The following TUT7 variants were observed in gnomAD, a reference collection of about 807,000 sequenced individuals.
The protein encoded by TUT7 is terminal uridylyltransferase 7.
Under a neutral mutation model 165.9 loss-of-function variants are expected in TUT7, and 33 were observed. The observed-to-expected ratio is 0.20, with a 90% CI of 0.15 to 0.27. The LOEUF (loss-of-function observed/expected upper bound fraction) is 0.27. TUT7 is among the 10% of genes least tolerant of loss of function. The probability of loss-of-function intolerance (pLI) is 1.00; values close to 1 mark genes in which losing one functional copy is unlikely to be tolerated. For missense variants in TUT7, 1,338 were observed against 1,762.3 expected (o/e 0.76, Z 4.31); for synonymous variants, 552 against 608.1 (o/e 0.91, Z 1.36).
intron 6 of TUT7, among the ~76,000 whole-genome samples, chr9:86,342,079 G>T (rs950426982): frequency 1.3e-5 from 2 of 152,168 alleles, no homozygotes; most frequent in Non-Finnish European, 2.9e-5. Flanking sequence ...TAAAAAAACA[G>T]TCTATTGGGT....
chr9:86,343,268 A>C, intron 5 of TUT7, 105 bp from the exon 6 acceptor site: 1 of 653,004 alleles, frequency 1.5e-6, no homozygotes, highest in Admixed American at 3.8e-5. Context: ...TTAAAATTAC[A>C]CACAAAAGCA....
At chr9:86,317,152 A>G in intron 17 of TUT7, 67 bp downstream of exon 17, 1 of 1,382,636 alleles carries the variant, frequency 7.2e-7, no homozygotes, top group Non-Finnish European at 1.0e-6. Flanking sequence ...ATGGATACCA[A>G]GGGAAGACTA....
At position 86,323,211 on chromosome 9, in the gene TUT7, C is replaced by T; in HGVS notation, c.2539G>A (p.Glu847Lys). ...TCCTCTTCTTCGTCGTCCTCCTCCTCTTCATCAGAGGGAATCATTTCTGAT... is the reference window on the plus strand; with the variant it reads ...TCCTCTTCTTCGTCGTCCTCCTCCTTTTCATCAGAGGGAATCATTTCTGAT... ...QTSEMIPSDE[E>K]EEDDEEEEEE... The change falls in exon 13 of 27, where the codon GAG becomes AAG. Residue 847 changes from glutamate (E) to lysine (K), a missense_variant. Physicochemically the swap from Glu to Lys is moderately conservative, Grantham distance 56. Coordinates refer to ENST00000375963, the MANE Select transcript of TUT7 (RefSeq NM_024617.4). 6.2e-7 allele frequency: 1 copy of T among 1,614,114 alleles called. No individual in the cohort carries two copies. The highest frequency in any genetic ancestry group is 8.5e-7 in the Non-Finnish European group (1 of 1,180,016).
Position 86,345,139 on chromosome 9 carries a change from C to T in TUT7, c.835G>A (p.Glu279Lys). ...KKNIKEKQEE[E>K]LLTTLPPPTP... is the part of the protein sequence containing the mutation. ...GGTGGGGGTAACGTAGTGAGCAACT[C>T]TTCCTCTTGCTTCTCCTTTTAAGAT... is the stretch of plus-strand genomic sequence containing the variant. Residue 279 changes from glutamate (E) to lysine (K), a missense_variant, in exon 5 of 27, where the codon GAG (glutamate) becomes AAG (lysine). By Grantham distance (56) the Glu-to-Lys change is moderately conservative (BLOSUM62 1). Transcript: ENST00000375963. The T allele has an allele frequency of 6.2e-7, 1 of 1,604,546 alleles. No homozygotes were observed. Among genetic ancestry groups the T allele is most frequent in the African/African-American group, 1.3e-5 (1 of 74,532 alleles).
At position 86,323,189 on chromosome 9, in the gene TUT7, T is replaced by A. The variant is rs191736673; in HGVS notation, c.2561A>T (p.Glu854Val). 1.2e-6 allele frequency: 2 copies of A among 1,614,108 alleles called. No individual in the cohort carries two copies. The highest frequency in any genetic ancestry group is 4.5e-5 in the East Asian group (2 of 44,878). The change falls in exon 13 of 27, where the codon GAG becomes GTG. Residue 854 changes from glutamate to valine, a missense_variant. Physicochemically the swap from Glu to Val is moderately radical, Grantham distance 121 (BLOSUM62 -2). Around this residue, in one of 7 missense-constraint regions of TUT7, gnomAD observed 425 missense variants for 474.9 expected, o/e 0.89. Transcript: ENST00000375963. Reference sequence around the variant, plus strand: ...GAGCCTAGGTTCTTCTTCCTCCTCCTCTTCTTCGTCGTCCTCCTCCTCTTC... The same window carrying A: ...GAGCCTAGGTTCTTCTTCCTCCTCCACTTCTTCGTCGTCCTCCTCCTCTTC... ...SDEEEEDDEE[E>V]EEEEEPRLTI...
intron 2 of TUT7, among the ~76,000 whole-genome samples, chr9:86,349,128 A>G (rs1832045307): frequency 6.6e-6 from 1 of 151,794 alleles, no homozygotes; most frequent in Non-Finnish European, 1.5e-5. Flanking sequence ...AAAATACAAA[A>G]ATTAGCTGGG....
At chr9:86,328,513 G>A in intron 10 of TUT7, 21 bp from the exon 11 acceptor site, 2 of 1,582,346 alleles carry the variant, frequency 1.3e-6, no homozygotes, top group Non-Finnish European at 8.6e-7. Flanking sequence ...TTAGACACAT[G>A]CTAAAATAAG....
rs756586482 is a variant in TUT7 at position 86,353,008 on chromosome 9, G to A, written c.192C>T (p.Thr64=). 7 of 1,614,086 alleles carry A rather than the reference G, an allele frequency of 4.3e-6. No homozygotes were observed. In the South Asian group the frequency reaches 7.7e-5, roughly 18 times the overall value. The change falls in exon 2 of 27, where the codon ACC becomes ACT. Residue 64 remains threonine (T), a synonymous_variant. Coordinates refer to ENST00000375963, the MANE Select transcript of TUT7 (RefSeq NM_024617.4). ...KKITPGNYGN[T]PRKGPCAVSS... ...AAACAGCACATGGTCCTTTTCTGGG[G>A]GTATTCCCATAGTTCCCTGGTGTTA...
rs543605892 is a variant in TUT7 at position 86,309,520 on chromosome 9, A to C, written c.3525T>G (p.Leu1175=). The C allele has an allele frequency of 1.2e-6, 2 of 1,613,844 alleles. No individual in the cohort carries two copies. Among genetic ancestry groups the C allele is most frequent in the East Asian group, 2.2e-5 (1 of 44,856 alleles). ...RGSLSSYAYT[L]MVLYFLQQRN... is the part of the protein sequence containing the mutation. Reference sequence around the variant, plus strand: ...TCTGCTGGAGAAAATATAGCACCATAAGAGTATATGCATACGATGATAAGC... The same window carrying C: ...TCTGCTGGAGAAAATATAGCACCATCAGAGTATATGCATACGATGATAAGC... The change falls in exon 20 of 27, where the codon CTT becomes CTG. Residue 1175 remains leucine, a synonymous_variant. Coordinates refer to ENST00000375963, the MANE Select transcript of TUT7 (RefSeq NM_024617.4).
At chr9:86,303,923 A>C (rs1827199676) in intron 24 of TUT7, among the ~76,000 whole-genome samples, 1 of 152,260 alleles carries the variant, frequency 6.6e-6, no homozygotes, top group African/African-American at 2.4e-5. Flanking sequence ...CAAACACTGA[A>C]TGTGCCTATA....
rs1832450409 is a variant in TUT7, at chr9:86,353,173, G to A, written c.27C>T (p.Phe9=). 6.3e-7 allele frequency: 1 copy of A among 1,587,400 alleles called. No individual in the cohort carries two copies. The highest frequency in any genetic ancestry group is 8.5e-7 in the Non-Finnish European group (1 of 1,171,034). MGDTAKPY[F]VKRTKDRGTM... is the part of the protein sequence containing the mutation. ...TCCCCCGGTCTTTAGTGCGCTTCAC[G>A]AAATAAGGTTTTGCTGTATCTCCCA... The change falls in exon 2 of 27, where the codon TTC becomes TTT. Residue 9 remains phenylalanine (F), a synonymous_variant. Transcript: ENST00000375963.
At chr9:86,290,592 A>C (rs1825821006) in intron 26 of TUT7, among the ~76,000 whole-genome samples, 1 of 151,788 alleles carries the variant, frequency 6.6e-6, no homozygotes, top group Admixed American at 6.6e-5. Context: ...CTGTAATCCT[A>C]GCACTTTGGG....
intron 2 of TUT7, among the ~76,000 whole-genome samples, chr9:86,350,426 A>T (rs1318880145): frequency 6.6e-6 from 1 of 152,276 alleles, no homozygotes; most frequent in Non-Finnish European, 1.5e-5. Flanking sequence ...TCCCACCTGG[A>T]CAGTAATACA....
In TUT7 at chr9:86,297,331, GTAT is replaced by G. The variant is rs373945694; in HGVS notation, c.4420+3942_4420+3944del. Reference sequence around the variant, plus strand: ...ATGGATTTCTCAACATCCCTGTCAGGTATTATTATTACCCCCTTTTTACACATG... The same window carrying G: ...ATGGATTTCTCAACATCCCTGTCAGGTATTATTACCCCCTTTTTACACATG... On this transcript the variant is annotated intron_variant, in intron 26 of 26. Transcript: ENST00000375963. Among the ~76,000 whole-genome samples, 288 of 152,214 alleles carry G rather than the reference GTAT, an allele frequency of 1.9e-3. 1 individual carries two copies. The highest frequency in any genetic ancestry group is 6.8e-3 in the Middle Eastern group (2 of 294).
chr9:86,311,772 G>A lies in TUT7; in HGVS notation c.3275-963C>T, dbSNP rs563585752. ...GTGCCTGCGATTGCAGGTGCGCGCC[G>A]CCACGCCTGACTGGTTTTCGTATTT... On this transcript the variant is annotated intron_variant, in intron 17 of 26. Transcript: ENST00000375963. This position sits in a 1 kb window ranked among gnomAD's most constrained non-coding sequence, Gnocchi z 4.4. Among the ~76,000 whole-genome samples, 367 of 152,278 alleles carry A rather than the reference G, an allele frequency of 2.4e-3. 3 individuals carry two copies. In the South Asian group the frequency reaches 0.03, roughly 12 times the overall value.
At chr9:86,335,400 C>A (rs565276939) in intron 10 of TUT7, among the ~76,000 whole-genome samples, 1 of 152,200 alleles carries the variant, frequency 6.6e-6, no homozygotes, top group African/African-American at 2.4e-5. Flanking sequence ...GATTTAATGA[C>A]AATAAAATGG....
rs1175355934 is a variant in TUT7, at chr9:86,309,992, G to C, written c.3404C>G (p.Ser1135Cys). 5.0e-6 allele frequency: 8 copies of C among 1,613,220 alleles called. No homozygotes were observed. The South Asian group carries it at 6.6e-5, about 13-fold the overall frequency. The stretch of plus-strand genomic sequence containing the variant: ...TCTGGGATCAATGGCGGAATAAGCA[G>C]ATAAAAGCCTTGTGTTATGAAGGGC... ...TLALHNTRLL[S>C]AYSAIDPRVK... Residue 1135 changes from serine (S) to cysteine (C), a missense_variant, in exon 19 of 27, where the codon TCT becomes TGT. Transcript: ENST00000375963.
At position 86,345,781 on chromosome 9, in the gene TUT7, G is replaced by A. The variant is rs1157805468; in HGVS notation, c.707C>T (p.Pro236Leu). The A allele has an allele frequency of 6.2e-7, 1 of 1,604,744 alleles. No individual in the cohort carries two copies. Among genetic ancestry groups the A allele is most frequent in the Admixed American group, 1.7e-5 (1 of 59,302 alleles). Residue 236 changes from proline (P) to leucine (L), a missense_variant, in exon 4 of 27, where the codon CCA becomes CTA. Around this residue, in one of 7 missense-constraint regions of TUT7, gnomAD observed 434 missense variants for 480.8 expected, o/e 0.90. Transcript: ENST00000375963. ...GTACTTTGCTGTAGGGTAGTTTCGT[G>A]GTCGCTATAATTTGAAGAGATTTAT... The part of the protein sequence containing the change: ...RDCIDRLKRR[P>L]RNYPTAKYTC...
intron 2 of TUT7, among the ~76,000 whole-genome samples, chr9:86,347,849 T>C (rs1454669103): frequency 1.3e-5 from 2 of 152,076 alleles, no homozygotes; most frequent in African/African-American, 4.8e-5. Flanking sequence ...ATTATCATAA[T>C]CTTTTAAGGC....
Sources: gnomAD v4.1 joint callset for allele counts (sites outside exome capture counted in the v4.1 genomes callset) on GRCh38, gnomAD v4.1.1 for gene constraint, gnomAD v4.1.1 regional missense constraint, Gnocchi (gnomAD v3.1) non-coding constraint, MANE v1.5 for transcripts, NCBI Gene and HGNC (gene_info 2026-07-23, HGNC 2026-07-21) for gene names.